APOO: variants seen among roughly 807,000 people sequenced by gnomAD.
APOO encodes the protein apolipoprotein O.
A neutral mutation model predicts 23.1 loss-of-function variants in APOO; 11 were observed. That is an observed-to-expected ratio of 0.48 (90% CI 0.30 to 0.79). The LOEUF is 0.79. Among genes scored for constraint, APOO ranks in the 30% least tolerant of loss-of-function variants. The pLI is 0.07. For synonymous variants in APOO, 59 were observed against 54.8 expected (o/e 1.08, Z -0.34); for missense variants, 160 against 142.7 (o/e 1.12, Z -0.62).
At chrX:23,844,542 C>G in intron 7 of APOO, among the ~76,000 whole-genome samples, 1 of 110,319 alleles carries the variant, frequency 9.1e-6, no homozygotes, top group Non-Finnish European at 1.9e-5. Context: ...CTGCAGGCTT[C>G]GACAATAGAG....
intron 7 of APOO, among the ~76,000 whole-genome samples, chrX:23,853,188 G>A (rs962093524): frequency 1.8e-5 from 2 of 111,186 alleles, no homozygotes; most frequent in Non-Finnish European, 3.8e-5. Flanking sequence ...AACCCGGGAG[G>A]TGGAGGTTGC....
rs924443538 is a variant in APOO at position 23,835,213 on chromosome X, C to T, written c.*30-1601G>A. Among the ~76,000 whole-genome samples the T allele has an allele frequency of 2.8e-5, 3 of 108,252 alleles. No individual in the cohort carries two copies. In the Admixed American group the frequency reaches 3.0e-4, roughly 11 times the overall value. The allele number at this position is 108,252 out of a possible 115,157, so 94.0% of individuals were successfully genotyped here. On this transcript the variant is annotated intron_variant, in intron 8 of 8. Transcript: ENST00000379226. ...AGTAGCTGGGATTACAGGCAGGCGC[C>T]ACCACGCCCGGCTAATTTTTTGTAT... is the stretch of plus-strand genomic sequence containing the variant.
chrX:23,860,277 G>C (rs753974657), intron 5 of APOO, among the ~76,000 whole-genome samples: 16 of 110,438 alleles, frequency 1.4e-4, no homozygotes, highest in Non-Finnish European at 2.8e-4. Context: ...CAGGACAAAC[G>C]CAAGTCCGAT....
chrX:23,842,987 A>G (rs1041822211), intron 7 of APOO, among the ~76,000 whole-genome samples: 13 of 112,029 alleles, frequency 1.2e-4, no homozygotes, highest in Admixed American at 2.9e-4. Flanking sequence ...CAGCCTGGGC[A>G]ACAAGAGTGA....
intron 1 of APOO, among the ~76,000 whole-genome samples, chrX:23,887,090 C>T (rs973384258): frequency 1.8e-5 from 2 of 110,323 alleles, no homozygotes; most frequent in South Asian, 3.9e-4. Context: ...TCCTCCTGTT[C>T]GCACTCTGGA....
intron 8 of APOO, chrX:23,837,186 G>C: frequency 1.1e-6 from 1 of 921,799 alleles, no homozygotes; most frequent in Non-Finnish European, 1.5e-6. Context: ...CAAGAAGGCT[G>C]AGTTCTACAT....
chrX:23,866,801 A>C (rs774429212), intron 5 of APOO, among the ~76,000 whole-genome samples: 3 of 106,583 alleles, frequency 2.8e-5, no homozygotes, highest in African/African-American at 6.9e-5. Context: ...AAAAGAAATC[A>C]ATTAAAAAAA....
intron 1 of APOO, 70 bp from the exon 2 acceptor site, chrX:23,881,022 T>A: frequency 2.9e-6 from 2 of 687,146 alleles, no homozygotes; most frequent in Non-Finnish European, 4.2e-6. Flanking sequence ...AGCATATTCA[T>A]AACCTCAGCC....
chrX:23,895,793 T>C (rs1196989764), intron 1 of APOO, among the ~76,000 whole-genome samples: 1 of 108,660 alleles, frequency 9.2e-6, no homozygotes, highest in African/African-American at 3.4e-5. Context: ...GAATCAAGCT[T>C]TATGTAAACT....
intron 8 of APOO, 146 bp downstream of exon 8, chrX:23,840,167 T>C (rs760622061): frequency 2.7e-6 from 1 of 364,998 alleles, no homozygotes; most frequent in African/African-American, 2.7e-5. Flanking sequence ...TCACAGCATT[T>C]AAGCCCAGAA....
At chrX:23,884,978 T>C (rs947222155) in intron 1 of APOO, among the ~76,000 whole-genome samples, 1 of 111,716 alleles carries the variant, frequency 9.0e-6, no homozygotes, top group African/African-American at 3.3e-5. Context: ...AAAGCTAAAG[T>C]AGGCAAACTT....
intron 2 of APOO, among the ~76,000 whole-genome samples, chrX:23,879,281 C>T (rs1489984625): frequency 9.0e-6 from 1 of 110,981 alleles, no homozygotes; most frequent in Non-Finnish European, 1.9e-5. Flanking sequence ...ACTAAAAATA[C>T]AAAACTTAGC....
chrX:23,838,931 T>G (rs1348273901), intron 8 of APOO, among the ~76,000 whole-genome samples: 1 of 111,767 alleles, frequency 8.9e-6, no homozygotes, highest in Non-Finnish European at 1.9e-5. Flanking sequence ...TATGTCTTTT[T>G]CATTGTCCCT....
intron 1 of APOO, among the ~76,000 whole-genome samples, chrX:23,882,485 C>T (rs1166126697): frequency 9.0e-6 from 1 of 111,600 alleles, no homozygotes; most frequent in African/African-American, 3.3e-5. Context: ...CTCCTCCATC[C>T]ATTTCCTTTT....
chrX:23,848,201 G>A (rs778220480), intron 7 of APOO, among the ~76,000 whole-genome samples: 4 of 108,910 alleles, frequency 3.7e-5, no homozygotes, highest in Non-Finnish European at 7.6e-5. Flanking sequence ...ATCTCACTCT[G>A]TCGCCCAGGC....
chrX:23,850,293 G>T (rs1474292448), intron 7 of APOO, among the ~76,000 whole-genome samples: 2 of 111,879 alleles, frequency 1.8e-5, no homozygotes, highest in African/African-American at 6.5e-5. Context: ...ATGAAAATTG[G>T]GAAATAAAGT....
intron 3 of APOO, among the ~76,000 whole-genome samples, chrX:23,876,420 C>CAA (rs765596295): frequency 0.047 from 2,034 of 43,258 alleles, 119 homozygotes; most frequent in African/African-American, 0.15. Flanking sequence ...TTGTCTCTAC[C>CAA]AAAAAAAAAA....
In APOO at chrX:23,868,677, A is replaced by G; in HGVS notation, c.304T>C (p.Tyr102His). Residue 102 changes from tyrosine to histidine, a missense_variant, in exon 5 of 9, where the codon TAT (tyrosine) becomes CAT (histidine). Coordinates refer to ENST00000379226, the MANE Select transcript of APOO (RefSeq NM_024122.5). ...LVQWGLDSYD[Y>H]LQNAPPGFFP... The stretch of plus-strand genomic sequence containing the variant: ...AATCCAGGAGGTGCATTTTGGAGAT[A>G]GTCATAGCTGTCTACAATAGAATTA... 8.3e-7 allele frequency: 1 copy of G among 1,206,227 alleles called. No homozygotes were observed. The highest frequency in any genetic ancestry group is 1.1e-6 in the Non-Finnish European group (1 of 891,775).
At chrX:23,881,816 C>T (rs1283423841) in intron 1 of APOO, among the ~76,000 whole-genome samples, 3 of 102,498 alleles carry the variant, frequency 2.9e-5, no homozygotes, top group Non-Finnish European at 5.9e-5. Context: ...GGCGTGGTGG[C>T]GGGCACCTGT....
Sources: allele counts gnomAD v4.1 joint callset (sites outside exome capture counted in the v4.1 genomes callset), GRCh38; gene constraint gnomAD v4.1.1; transcripts MANE v1.5; gene names NCBI Gene and HGNC (gene_info 2026-07-23, HGNC 2026-07-21).